SPAG16: variants seen among roughly 807,000 people sequenced by gnomAD.
SPAG16 encodes the protein sperm-associated antigen 16 protein.
A neutral mutation model predicts 80.4 loss-of-function variants in SPAG16; 86 were observed. The ratio of observed to expected loss-of-function variants is 1.07; its 90% CI spans 0.90 to 1.28. SPAG16 has a LOEUF of 1.28. Among genes scored for constraint, SPAG16 ranks in the 50% most tolerant of loss-of-function variants. The probability of loss-of-function intolerance (pLI) is 0.00; values close to 1 mark genes in which losing one functional copy is unlikely to be tolerated. For synonymous variants in SPAG16, 294 were observed against 265.9 expected (o/e 1.11, Z -1.03); for missense variants, 870 against 765.3 (o/e 1.14, Z -1.61).
intron 15 of SPAG16, among the ~76,000 whole-genome samples, chr2:214,176,916 C>T (rs776737731): frequency 4.6e-5 from 7 of 150,870 alleles, no homozygotes; most frequent in Admixed American, 2.0e-4. Context: ...ACTTTATTAA[C>T]GTATCTCCGG....
intron 9 of SPAG16, among the ~76,000 whole-genome samples, chr2:213,462,302 G>A (rs2072419412): frequency 6.6e-6 from 1 of 152,176 alleles, no homozygotes; most frequent in South Asian, 2.1e-4. Context: ...ATTTCAGCTG[G>A]ACACTATTAT....
At chr2:214,109,473 A>G (rs1051111647) in intron 14 of SPAG16, among the ~76,000 whole-genome samples, 12 of 152,202 alleles carry the variant, frequency 7.9e-5, no homozygotes, top group Non-Finnish European at 1.3e-4. Context: ...CCAATTAGCT[A>G]TAAAAGAAAT....
chr2:213,527,928 G>A (rs537578289), intron 10 of SPAG16, among the ~76,000 whole-genome samples: 4 of 151,998 alleles, frequency 2.6e-5, no homozygotes, highest in African/African-American at 9.7e-5. Flanking sequence ...TATAAGCTCT[G>A]CTGAAAGGTA....
chr2:213,820,354 C>G (rs185294410), intron 10 of SPAG16, among the ~76,000 whole-genome samples: 2,211 of 151,706 alleles, frequency 0.015, 44 homozygotes, highest in African/African-American at 0.05. Context: ...TTTTGGTAAC[C>G]TTTTTTTTGT....
chr2:213,620,559 T>G (rs929587863), intron 10 of SPAG16, among the ~76,000 whole-genome samples: 1 of 152,068 alleles, frequency 6.6e-6, no homozygotes, highest in African/African-American at 2.4e-5. Context: ...CCTAAAGTGC[T>G]GGGATTACAG....
At chr2:213,413,836 T>G (rs1371191905) in intron 9 of SPAG16, among the ~76,000 whole-genome samples, 2 of 152,198 alleles carry the variant, frequency 1.3e-5, no homozygotes, top group Non-Finnish European at 2.9e-5. Flanking sequence ...ATTTAACTTC[T>G]TTTCGATCTA....
chr2:213,435,332 A>G (rs983173331), intron 9 of SPAG16, among the ~76,000 whole-genome samples: 2 of 152,210 alleles, frequency 1.3e-5, no homozygotes, highest in Admixed American at 6.5e-5. Flanking sequence ...GTGCTAAAAA[A>G]TGTATGCACA....
intron 15 of SPAG16, among the ~76,000 whole-genome samples, chr2:214,354,142 T>C (rs1698608870): frequency 6.6e-6 from 1 of 151,794 alleles, no homozygotes; most frequent in Non-Finnish European, 1.5e-5. Context: ...AAAATTAAAA[T>C]AAAAAAATCA....
At chr2:213,979,146 A>T (rs572254020) in intron 12 of SPAG16, among the ~76,000 whole-genome samples, 7 of 152,108 alleles carry the variant, frequency 4.6e-5, no homozygotes, top group Admixed American at 3.3e-4. Context: ...GGGTGTACAG[A>T]AGGGTAGAAA....
At chr2:214,241,416 G>A (rs1412411194) in intron 15 of SPAG16, 1 of 149,544 alleles carries the variant, frequency 6.7e-6, no homozygotes, top group African/African-American at 2.5e-5. Context: ...CTTTACCTTT[G>A]CAGACTTTAA....
intron 13 of SPAG16, among the ~76,000 whole-genome samples, chr2:214,073,232 C>CTTTTTTTTT (rs67988930): frequency 7.1e-6 from 1 of 141,072 alleles, no homozygotes; most frequent in Non-Finnish European, 1.6e-5. Flanking sequence ...GAAATTTTTT[C>CTTTTTTTTT]TTTTTTTTTT....
At chr2:213,543,716 G>T (rs988361052) in intron 10 of SPAG16, among the ~76,000 whole-genome samples, 3 of 151,832 alleles carry the variant, frequency 2.0e-5, no homozygotes, top group African/African-American at 7.2e-5. Flanking sequence ...TTTCATGTTG[G>T]TATAATGAGC....
At chr2:213,964,495 GT>G (rs2044608111) in intron 12 of SPAG16, among the ~76,000 whole-genome samples, 1 of 152,006 alleles carries the variant, frequency 6.6e-6, no homozygotes, top group South Asian at 2.1e-4. Flanking sequence ...TCTGGACACA[GT>G]TTTCTTGGTT....
intron 13 of SPAG16, among the ~76,000 whole-genome samples, chr2:214,067,803 A>G (rs533276418): frequency 7.9e-5 from 12 of 152,156 alleles, no homozygotes; most frequent in Non-Finnish European, 1.8e-4. Flanking sequence ...TGGTTTCTTT[A>G]TTTACTTTTT....
intron 15 of SPAG16, among the ~76,000 whole-genome samples, chr2:214,368,588 C>T (rs1699626598): frequency 6.6e-6 from 1 of 152,054 alleles, no homozygotes; most frequent in Non-Finnish European, 1.5e-5. Context: ...CTTAATCTCA[C>T]CTCAATCAAC....
intron 9 of SPAG16, among the ~76,000 whole-genome samples, chr2:213,436,913 CT>C (rs1249727287): frequency 5.8e-4 from 84 of 145,470 alleles, no homozygotes; most frequent in South Asian, 3.3e-3. Context: ...ATGATAAACT[CT>C]TTTTTTTTTT....
At chr2:213,286,007 G>A in intron 1 of SPAG16, 1 of 930,826 alleles carries the variant, frequency 1.1e-6, no homozygotes, top group South Asian at 1.4e-5. Flanking sequence ...ACACAATGAG[G>A]TAACTTTTTG....
chr2:213,647,002 G>T (rs892926867), intron 10 of SPAG16, among the ~76,000 whole-genome samples: 1 of 151,896 alleles, frequency 6.6e-6, no homozygotes, highest in African/African-American at 2.4e-5. Flanking sequence ...CAATTAAAAT[G>T]AAATTAAAAA....
intron 15 of SPAG16, among the ~76,000 whole-genome samples, chr2:214,196,539 A>G (rs1174697605): frequency 6.6e-6 from 1 of 152,206 alleles, no homozygotes; most frequent in East Asian, 1.9e-4. Flanking sequence ...GTCCCAGAAT[A>G]TTCTCCTAAT....
Sources: allele counts gnomAD v4.1 joint callset (sites outside exome capture counted in the v4.1 genomes callset), GRCh38; gene constraint gnomAD v4.1.1; transcripts MANE v1.5; gene names NCBI Gene and HGNC (gene_info 2026-07-23, HGNC 2026-07-21).